Variants in CADM2 observed in about 807,000 individuals in gnomAD.
CADM2 encodes immunoglobulin superfamily member 4D.
Under a neutral mutation model 49.8 loss-of-function variants are expected in CADM2, and 12 were observed. That is an observed-to-expected ratio of 0.24 (90% CI 0.15 to 0.39). The LOEUF (loss-of-function observed/expected upper bound fraction) is 0.39. Among genes scored for constraint, CADM2 ranks in the 10% least tolerant of loss-of-function variants. CADM2 has a pLI of 1.00. For synonymous variants in CADM2, 214 were observed against 175.4 expected, an observed-to-expected ratio of 1.22 and a Z score of -1.74; for missense variants, 378 against 492.3, an observed-to-expected ratio of 0.77 and a Z score of 2.20.
At chr3:85,616,275 G>A (rs1052836501) in intron 1 of CADM2, among the ~76,000 whole-genome samples, 13 of 151,174 alleles carry the variant, frequency 8.6e-5, no homozygotes, top group East Asian at 1.9e-4. Context: ...CTTAATATCC[G>A]AATTACCAAA....
At chr3:85,650,438 CTGAG>C (rs2065010393) in intron 1 of CADM2, among the ~76,000 whole-genome samples, 1 of 150,362 alleles carries the variant, frequency 6.7e-6, no homozygotes, top group Non-Finnish European at 1.5e-5. Context: ...ACAAAGGATA[CTGAG>C]TGTGTGTGTA....
chr3:85,322,915 A>G (rs913366312), intron 1 of CADM2, among the ~76,000 whole-genome samples: 7 of 152,164 alleles, frequency 4.6e-5, no homozygotes, highest in African/African-American at 1.7e-4. Context: ...ATATCCAGAT[A>G]CTTTTAGAAA....
At chr3:85,313,755 T>G (rs1213380282) in intron 1 of CADM2, among the ~76,000 whole-genome samples, 1 of 152,246 alleles carries the variant, frequency 6.6e-6, no homozygotes, top group Non-Finnish European at 1.5e-5. Context: ...AATTAATTCT[T>G]CATGAGTTAT....
intron 1 of CADM2, among the ~76,000 whole-genome samples, chr3:85,686,841 A>G (rs181088963): frequency 1.3e-5 from 2 of 152,286 alleles, no homozygotes; most frequent in African/African-American, 4.8e-5. Flanking sequence ...CATATCTACC[A>G]ATAACCTGGA....
intron 1 of CADM2, among the ~76,000 whole-genome samples, chr3:85,048,828 A>C (rs1359801391): frequency 6.6e-6 from 1 of 152,176 alleles, no homozygotes; most frequent in African/African-American, 2.4e-5. Flanking sequence ...AATGGGTCCA[A>C]AGTTTGGTAT....
intron 1 of CADM2, among the ~76,000 whole-genome samples, chr3:85,071,325 A>G (rs1369578574): frequency 6.6e-6 from 1 of 152,066 alleles, no homozygotes. Context: ...CTTCAGGGAT[A>G]GTTGTCAGGA....
intron 1 of CADM2, among the ~76,000 whole-genome samples, chr3:84,977,613 T>C (rs2031902847): frequency 6.6e-6 from 1 of 152,100 alleles, no homozygotes. Flanking sequence ...TTTTGTTTTG[T>C]AGGTGAATCT....
chr3:85,416,517 C>T (rs2035927411), intron 1 of CADM2, among the ~76,000 whole-genome samples: 1 of 152,124 alleles, frequency 6.6e-6, no homozygotes, highest in Admixed American at 6.6e-5. Context: ...TGAACTTGCC[C>T]TATGCATTTT....
chr3:85,234,250 CAATTA>C (rs2042362499), intron 1 of CADM2, among the ~76,000 whole-genome samples: 1 of 151,560 alleles, frequency 6.6e-6, no homozygotes, highest in Non-Finnish European at 1.5e-5. Context: ...TTTTTGTCCC[CAATTA>C]AAACACTTAA....
chr3:85,261,687 A>G (rs1035591379), intron 1 of CADM2, among the ~76,000 whole-genome samples: 5 of 152,134 alleles, frequency 3.3e-5, no homozygotes, highest in African/African-American at 1.2e-4. Context: ...TAATTCTTAC[A>G]AAGATCCTGA....
chr3:85,274,186 G>C (rs931532761), intron 1 of CADM2, among the ~76,000 whole-genome samples: 2 of 151,290 alleles, frequency 1.3e-5, no homozygotes, highest in African/African-American at 4.8e-5. Context: ...GGGAATTAAA[G>C]TTAGTATAGC....
At chr3:85,744,287 T>A (rs1299389377) in intron 2 of CADM2, among the ~76,000 whole-genome samples, 2 of 152,122 alleles carry the variant, frequency 1.3e-5, no homozygotes, top group Non-Finnish European at 2.9e-5. Flanking sequence ...TGAATAAGAT[T>A]GAATATTTGA....
chr3:85,129,149 C>A (rs1397262625), intron 1 of CADM2, among the ~76,000 whole-genome samples: 2 of 152,044 alleles, frequency 1.3e-5, no homozygotes, highest in Non-Finnish European at 2.9e-5. Flanking sequence ...TGCTTAGGCC[C>A]AAGGAAGATT....
intron 6 of CADM2, among the ~76,000 whole-genome samples, chr3:85,923,990 G>T (rs575981053): frequency 6.6e-6 from 1 of 152,150 alleles, no homozygotes; most frequent in Non-Finnish European, 1.5e-5. Flanking sequence ...CATAGTTGGG[G>T]ATAATTGATG....
chr3:84,976,657 A>C (rs2031839830), intron 1 of CADM2, among the ~76,000 whole-genome samples: 1 of 151,794 alleles, frequency 6.6e-6, no homozygotes, highest in African/African-American at 2.4e-5. Context: ...TTCATACCGA[A>C]ATGCTCTATA....
intron 1 of CADM2, among the ~76,000 whole-genome samples, chr3:85,441,118 T>C (rs1357990339): frequency 3.9e-5 from 6 of 152,084 alleles, no homozygotes; most frequent in Admixed American, 3.9e-4. Flanking sequence ...AAGTATTTCA[T>C]GTATTTTTCA....
intron 1 of CADM2, among the ~76,000 whole-genome samples, chr3:85,670,117 A>G (rs1009664618): frequency 6.6e-6 from 1 of 152,286 alleles, no homozygotes; most frequent in East Asian, 1.9e-4. Context: ...CTAATTTTAC[A>G]TTACAAATAC....
chr3:86,035,642 A>G (rs1735070268), intron 8 of CADM2, among the ~76,000 whole-genome samples: 1 of 152,076 alleles, frequency 6.6e-6, no homozygotes, highest in Non-Finnish European at 1.5e-5. Flanking sequence ...ACCTTTTAAT[A>G]ATCCCATTTA....
chr3:85,996,743 A>T (rs1190690655), intron 8 of CADM2, among the ~76,000 whole-genome samples: 1 of 152,184 alleles, frequency 6.6e-6, no homozygotes, highest in African/African-American at 2.4e-5. Context: ...ATTATTTACT[A>T]TACATCCCCA....
Sources: gnomAD v4.1 joint callset for allele counts (sites outside exome capture counted in the v4.1 genomes callset) on GRCh38, gnomAD v4.1.1 for gene constraint, MANE v1.5 for transcripts, NCBI Gene and HGNC (gene_info 2026-07-23, HGNC 2026-07-21) for gene names.